The following GRM5 variants were observed in gnomAD, a reference collection of about 807,000 sequenced individuals.
GRM5 encodes glutamate metabotropic receptor 5.
GRM5 carries 19 observed loss-of-function variants against 83.1 expected under a neutral mutation model. The observed-to-expected ratio is 0.23, with a 90% confidence interval of 0.16 to 0.34. The LOEUF (loss-of-function observed/expected upper bound fraction) is 0.34. Among genes scored for constraint, GRM5 ranks in the 10% least tolerant of loss-of-function variants. GRM5 has a pLI of 1.00. For synonymous variants in GRM5, 675 were observed against 633.6 expected (o/e 1.07, Z -0.98); for missense variants, 1,160 against 1,588.3 (o/e 0.73, Z 4.58).
At chr11:88,838,084 CAA>C (rs1157680177) in intron 3 of GRM5, among the ~76,000 whole-genome samples, 777 of 55,280 alleles carry the variant, frequency 0.014, 4 homozygotes, top group East Asian at 0.09. Flanking sequence ...GACTCCATCT[CAA>C]AAAAAAAAAA....
At chr11:88,524,982 C>T (rs1408318073) in intron 9 of GRM5, among the ~76,000 whole-genome samples, 1 of 152,158 alleles carries the variant, frequency 6.6e-6, no homozygotes, top group Non-Finnish European at 1.5e-5. Context: ...TGAGTTTCCT[C>T]CAATCTCTTC....
chr11:88,816,169 C>T lies in GRM5; in HGVS notation c.911+33737G>A, dbSNP rs565109995. ...CGGAGCTTGCAGTGAGCCGAGATTG[C>T]GCCACTGCAGTCCGCAGTCCGGCCT... On this transcript the variant is annotated intron_variant, in intron 3 of 9. Transcript: ENST00000305447. Among the ~76,000 whole-genome samples, 295 of 126,836 alleles carry T rather than the reference C, an allele frequency of 2.3e-3. 2 individuals are homozygous for T. Among genetic ancestry groups the T allele is most frequent in the African/African-American group, 6.9e-3 (202 of 29,346 alleles). 83.2% of individuals were successfully genotyped at this position (126,836 alleles called of 152,430 possible).
At chr11:88,737,558 A>AT (rs1476488546) in intron 3 of GRM5, among the ~76,000 whole-genome samples, 4 of 152,050 alleles carry the variant, frequency 2.6e-5, no homozygotes, top group Admixed American at 6.6e-5. Context: ...ATAATTACTG[A>AT]TTTTTTTGAA....
chr11:88,775,700 C>T (rs931248152), intron 3 of GRM5, among the ~76,000 whole-genome samples: 4 of 152,128 alleles, frequency 2.6e-5, no homozygotes, highest in African/African-American at 9.7e-5. Flanking sequence ...GTTATTTACC[C>T]AGTAGTCATT....
chr11:88,794,564 G>A (rs1295379335), intron 3 of GRM5, among the ~76,000 whole-genome samples: 1 of 152,180 alleles, frequency 6.6e-6, no homozygotes, highest in African/African-American at 2.4e-5. Context: ...TGATCAGTTA[G>A]AAATCTATTC....
chr11:88,657,669 A>G (rs1317378128), intron 3 of GRM5, among the ~76,000 whole-genome samples: 1 of 152,120 alleles, frequency 6.6e-6, no homozygotes, highest in Non-Finnish European at 1.5e-5. Context: ...AAACTCATGA[A>G]AGCTTAATTT....
rs560990124 is a variant in GRM5, at chr11:88,706,181, C to T, written c.912-52778G>A. Among the ~76,000 whole-genome samples the T allele has an allele frequency of 3.9e-5, 6 of 152,114 alleles. No individual in the cohort carries two copies. The East Asian group carries it at 1.2e-3, about 29-fold the overall frequency. ...CCATCAAAGTTCACTTGTTTTCCTT[C>T]TATTTTGAATGTTTATCTTCCATCA... On this transcript the variant is annotated intron_variant, in intron 3 of 9. Transcript: ENST00000305447.
rs148616220 is a variant in GRM5, at chr11:88,551,817, A to G, written c.2630+15236T>C. Among the ~76,000 whole-genome samples the G allele has an allele frequency of 7.2e-5, 11 of 152,294 alleles. No individual in the cohort carries two copies. In the East Asian group the frequency reaches 1.2e-3, roughly 16 times the overall value. On this transcript the variant is annotated intron_variant, in intron 8 of 9. Coordinates refer to ENST00000305447, the MANE Select transcript of GRM5 (RefSeq NM_001143831.3). The stretch of plus-strand genomic sequence containing the variant: ...CACATGGGCACATGGTACATCACCA[A>G]TCAATGGAAGATCATGGTAGTTTGA...
intron 3 of GRM5, among the ~76,000 whole-genome samples, chr11:88,720,885 T>TATCA (rs1941521532): frequency 6.6e-6 from 1 of 151,256 alleles, no homozygotes; most frequent in Admixed American, 6.6e-5. Context: ...AACCAGTCTC[T>TATCA]ATCAAGAGCA....
chr11:88,668,303 A>G (rs950908160), intron 3 of GRM5, among the ~76,000 whole-genome samples: 16 of 132,174 alleles, frequency 1.2e-4, no homozygotes, highest in Admixed American at 2.2e-4. Flanking sequence ...ACTCGCACAC[A>G]CACACACACA....
chr11:88,660,785 C>A (rs1490958757), intron 3 of GRM5, among the ~76,000 whole-genome samples: 3 of 152,172 alleles, frequency 2.0e-5, no homozygotes, highest in Non-Finnish European at 2.9e-5. Context: ...AATAGTTTCA[C>A]ACTCCTAAGC....
intron 3 of GRM5, among the ~76,000 whole-genome samples, chr11:88,691,354 A>G (rs1423668632): frequency 6.6e-6 from 1 of 152,148 alleles, no homozygotes; most frequent in Non-Finnish European, 1.5e-5. Flanking sequence ...ATGTGTCAAA[A>G]TTTTGGTGTG....
chr11:88,579,995 G>T (rs1277534027), intron 7 of GRM5, among the ~76,000 whole-genome samples: 1 of 152,110 alleles, frequency 6.6e-6, no homozygotes, highest in Non-Finnish European at 1.5e-5. Context: ...GTGGAATTTG[G>T]GATATGAAGG....
intron 3 of GRM5, among the ~76,000 whole-genome samples, chr11:88,665,967 G>A (rs1940033836): frequency 6.6e-6 from 1 of 152,124 alleles, no homozygotes; most frequent in Non-Finnish European, 1.5e-5. Flanking sequence ...CACCAGGTGA[G>A]CTTTGAACAT....
intron 2 of GRM5, among the ~76,000 whole-genome samples, chr11:88,996,429 T>C (rs1565327379): frequency 2.6e-5 from 4 of 152,200 alleles, no homozygotes; most frequent in Non-Finnish European, 5.9e-5. Context: ...CAAATTTGAA[T>C]GATGATACAT....
chr11:88,544,099 A>G (rs533278620), intron 8 of GRM5, among the ~76,000 whole-genome samples: 1 of 152,234 alleles, frequency 6.6e-6, no homozygotes, highest in Non-Finnish European at 1.5e-5. Context: ...ACACATACAC[A>G]TACACATGCT....
chr11:88,648,959 AGGC>A (rs1939546579), intron 4 of GRM5, among the ~76,000 whole-genome samples: 1 of 150,476 alleles, frequency 6.6e-6, no homozygotes, highest in African/African-American at 2.4e-5. Context: ...TTTATTCTAC[AGGC>A]TTAAGGAGCT....
chr11:88,783,326 C>A (rs1943008378), intron 3 of GRM5, among the ~76,000 whole-genome samples: 1 of 152,060 alleles, frequency 6.6e-6, no homozygotes, highest in Non-Finnish European at 1.5e-5. Context: ...TTTTGGGTAT[C>A]TTCCTCACTG....
chr11:88,524,190 T>TTTTCTTTCTTTCTTTCTTTCTTTC lies in GRM5; in HGVS notation c.2726+1095_2726+1118dup, dbSNP rs1232518039. On this transcript the variant is annotated intron_variant, in intron 9 of 9. Coordinates refer to ENST00000305447, the MANE Select transcript of GRM5 (RefSeq NM_001143831.3). ...AGGGCCCTTTTCTTTTCTTTTTTCTTTTTCTTTCTTTCTTTCTTTCTTTCT... is the reference window on the plus strand; with the variant it reads ...AGGGCCCTTTTCTTTTCTTTTTTCTTTTTCTTTCTTTCTTTCTTTCTTTCTTTCTTTCTTTCTTTCTTTCTTTCT... 7 of 112,998 alleles carry TTTTCTTTCTTTCTTTCTTTCTTTC rather than the reference T, an allele frequency of 6.2e-5. No individual in the cohort carries two copies. The East Asian group carries it at 1.3e-3, about 21-fold the overall frequency. The allele number at this position is 112,998 out of a possible 1,614,324, so 7.0% of individuals were successfully genotyped here.
Sources: gnomAD v4.1 joint callset for allele counts (sites outside exome capture counted in the v4.1 genomes callset) on GRCh38, gnomAD v4.1.1 for gene constraint, MANE v1.5 for transcripts, NCBI Gene and HGNC (gene_info 2026-07-23, HGNC 2026-07-21) for gene names.